GALNT9: variants seen among roughly 807,000 people sequenced by gnomAD.
GALNT9 encodes the protein polypeptide N-acetylgalactosaminyltransferase 9, also known as GalNAc transferase 9.
In GALNT9, 47 loss-of-function variants were observed where a neutral mutation model predicts 63.1. That is an observed-to-expected ratio of 0.75 (90% CI 0.59 to 0.95). The LOEUF is 0.95. Among genes scored for constraint, GALNT9 ranks in the 40% least tolerant of loss-of-function variants. The probability of loss-of-function intolerance (pLI) is 0.00; values close to 1 mark genes in which losing one functional copy is unlikely to be tolerated. For missense variants in GALNT9, 829 were observed against 874.8 expected (o/e 0.95, Z 0.66); for synonymous variants, 396 against 365.7 (o/e 1.08, Z -0.94).
intron 6 of GALNT9, chr12:132,240,686 T>A (rs73488329): frequency 2.2e-6 from 1 of 455,898 alleles, no homozygotes; most frequent in Non-Finnish European, 4.4e-6. Flanking sequence ...CCTCTTTTAT[T>A]CTGTTTATAA....
chr12:132,269,712 C>T (rs888818339), intron 2 of GALNT9, among the ~76,000 whole-genome samples: 1 of 152,190 alleles, frequency 6.6e-6, no homozygotes, highest in Admixed American at 6.5e-5. Context: ...GCTGGGAACG[C>T]GTACCTGGGG....
At chr12:132,247,473 C>T in intron 6 of GALNT9, 1 of 389,936 alleles carries the variant, frequency 2.6e-6, no homozygotes, top group Admixed American at 2.9e-5. Context: ...CCCTGGGAGC[C>T]TTGGCCGCCC....
intron 6 of GALNT9, among the ~76,000 whole-genome samples, chr12:132,237,679 G>A (rs1878055700): frequency 6.6e-6 from 1 of 152,358 alleles, no homozygotes; most frequent in Non-Finnish European, 1.5e-5. Context: ...GTTCGTGGGT[G>A]GGGGATGGGG....
At chr12:132,309,284 C>A (rs1881728348) in intron 1 of GALNT9, among the ~76,000 whole-genome samples, 1 of 152,162 alleles carries the variant, frequency 6.6e-6, no homozygotes. Flanking sequence ...GATGATGGCC[C>A]CGGGACACCC....
intron 6 of GALNT9, among the ~76,000 whole-genome samples, chr12:132,206,738 C>A (rs138130726): frequency 0.01 from 1,540 of 152,090 alleles, 27 homozygotes; most frequent in African/African-American, 0.032. Flanking sequence ...GTGACCCAGC[C>A]GGCAACTGGG....
rs1566019002 is a variant in GALNT9, at chr12:132,303,411, ACCCGGGCACAGCCTCG to A, written c.239-16997_239-16982del. On this transcript the variant is annotated intron_variant, in intron 1 of 10. Coordinates refer to ENST00000328957, the MANE Select transcript of GALNT9 (RefSeq NM_001122636.2). Reference sequence around the variant, plus strand: ...CACAGCCTCGCCCGGGCACACCCTCACCCGGGCACAGCCTCGCCCGGGCACACCCTCGCCCGGGCAC... The same window carrying A: ...CACAGCCTCGCCCGGGCACACCCTCACCCGGGCACACCCTCGCCCGGGCAC... 9.3e-4 allele frequency among the ~76,000 whole-genome samples: 113 copies of A among 121,886 alleles called. 5 individuals are homozygous for A. The highest frequency in any genetic ancestry group is 2.0e-3 in the South Asian group (7 of 3,440). 80.0% of individuals were successfully genotyped at this position (121,886 alleles called of 152,430 possible).
chr12:132,235,741 GAGT>G (rs1877982254), intron 6 of GALNT9, among the ~76,000 whole-genome samples: 6 of 42,350 alleles, frequency 1.4e-4, no homozygotes, highest in Non-Finnish European at 1.7e-4. Flanking sequence ...GGGCTGGAGT[GAGT>G]TCAACCCTCG....
intron 2 of GALNT9, among the ~76,000 whole-genome samples, chr12:132,271,855 C>T (rs1452792311): frequency 6.6e-6 from 1 of 152,154 alleles, no homozygotes; most frequent in Non-Finnish European, 1.5e-5. Flanking sequence ...GCCCGTCCCC[C>T]GTGCGCCCTT....
At chr12:132,313,047 A>G (rs1359640211) in intron 1 of GALNT9, among the ~76,000 whole-genome samples, 1 of 151,064 alleles carries the variant, frequency 6.6e-6, no homozygotes, top group Non-Finnish European at 1.5e-5. Flanking sequence ...TTCACCCTCC[A>G]CTCATCTACC....
rs540798216 is a variant in GALNT9 at position 132,198,427 on chromosome 12, C to T, written c.1498-468G>A. ...CCAGCCCCTGACCACTGTGATTCTG[C>T]GGGGCTGGGGCTGGGGCTGGGCCTG... On this transcript the variant is annotated intron_variant, in intron 9 of 10. Coordinates refer to ENST00000328957, the MANE Select transcript of GALNT9 (RefSeq NM_001122636.2). Among the ~76,000 whole-genome samples the T allele has an allele frequency of 7.9e-5, 12 of 151,250 alleles. No individual in the cohort carries two copies. In the South Asian group the frequency reaches 1.0e-3, roughly 13 times the overall value.
chr12:132,314,306 G>A (rs1868404727), intron 1 of GALNT9, among the ~76,000 whole-genome samples: 1 of 151,550 alleles, frequency 6.6e-6, no homozygotes, highest in African/African-American at 2.4e-5. Context: ...CATGTTATCT[G>A]TCTGTCCAAA....
intron 6 of GALNT9, among the ~76,000 whole-genome samples, chr12:132,220,128 T>A (rs1380884496): frequency 6.6e-6 from 1 of 152,212 alleles, no homozygotes; most frequent in Non-Finnish European, 1.5e-5. Context: ...ACGTGGTGGC[T>A]CATGCCTGTA....
At chr12:132,203,735 G>GCC in intron 6 of GALNT9, 45 bp from the exon 7 acceptor site, 6 of 1,572,342 alleles carry the variant, frequency 3.8e-6, no homozygotes, top group African/African-American at 1.4e-5. Flanking sequence ...CCCAACGGAA[G>GCC]CGGGCAGCCC....
chr12:132,210,541 G>C (rs973120942), intron 6 of GALNT9, among the ~76,000 whole-genome samples: 2 of 152,122 alleles, frequency 1.3e-5, no homozygotes, highest in African/African-American at 2.4e-5. Context: ...CGCCCTGGCT[G>C]GGGACGGCTT....
chr12:132,225,531 C>A (rs1455899783), intron 6 of GALNT9, among the ~76,000 whole-genome samples: 1 of 147,286 alleles, frequency 6.8e-6, no homozygotes, highest in Non-Finnish European at 1.5e-5. Flanking sequence ...TATACACATG[C>A]CACACACAAC....
intron 1 of GALNT9, among the ~76,000 whole-genome samples, chr12:132,301,992 C>T (rs186169779): frequency 4.8e-4 from 73 of 152,208 alleles, no homozygotes; most frequent in African/African-American, 1.4e-3. Context: ...CTGACAACCC[C>T]GAGGGGCTCA....
chr12:132,213,486 A>G (rs61943914), intron 6 of GALNT9, among the ~76,000 whole-genome samples: 1 of 35,772 alleles, frequency 2.8e-5, no homozygotes, highest in Non-Finnish European at 5.9e-5. Flanking sequence ...ACACCCACAC[A>G]CACGCACTCC....
At chr12:132,228,776 G>A (rs1877794953) in intron 6 of GALNT9, among the ~76,000 whole-genome samples, 1 of 151,968 alleles carries the variant, frequency 6.6e-6, no homozygotes, top group South Asian at 2.1e-4. Flanking sequence ...CTCTGCAGAT[G>A]GCTTTCCTGG....
At chr12:132,262,997 C>T (rs781983348) in intron 2 of GALNT9, among the ~76,000 whole-genome samples, 4 of 152,250 alleles carry the variant, frequency 2.6e-5, no homozygotes, top group Admixed American at 6.5e-5. Context: ...ACAGCGACCC[C>T]GAGAGGAGAT....
Sources: gnomAD v4.1 joint callset for allele counts (sites outside exome capture counted in the v4.1 genomes callset) on GRCh38, gnomAD v4.1.1 for gene constraint, MANE v1.5 for transcripts, NCBI Gene and HGNC (gene_info 2026-07-23, HGNC 2026-07-21) for gene names.